EML1: variants seen among roughly 807,000 people sequenced by gnomAD.
EML1 encodes EMAP like 1.
EML1 carries 27 observed loss-of-function variants against 110.4 expected under a neutral mutation model. The ratio of observed to expected loss-of-function variants is 0.24; its 90% CI spans 0.18 to 0.34. The LOEUF is 0.34. Among genes scored for constraint, EML1 ranks in the 10% least tolerant of loss-of-function variants. The pLI, the probability that EML1 is intolerant of heterozygous loss-of-function variation, is 1.00. For missense variants in EML1, 741 were observed against 1,030.9 expected, an observed-to-expected ratio of 0.72 and a Z score of 3.85; for synonymous variants, 344 against 385.8, an observed-to-expected ratio of 0.89 and a Z score of 1.27.
chr14:99,868,474 C>T (rs574379617), intron 3 of EML1, among the ~76,000 whole-genome samples: 1 of 152,196 alleles, frequency 6.6e-6, no homozygotes, highest in Admixed American at 6.5e-5. Flanking sequence ...TTTTTGATTA[C>T]TGCTTCAGTC....
At chr14:99,925,002 C>T (rs1260514696) in intron 17 of EML1, among the ~76,000 whole-genome samples, 2 of 152,102 alleles carry the variant, frequency 1.3e-5, no homozygotes, top group Non-Finnish European at 2.9e-5. Flanking sequence ...TTTTTGCCTC[C>T]ATGTTTCTAA....
upstream of EML1, among the ~76,000 whole-genome samples, chr14:99,791,701 G>A (rs74084742): frequency 6.6e-3 from 1,012 of 152,268 alleles, 4 homozygotes; most frequent in African/African-American, 0.023. Context: ...AACAGGCCGC[G>A]GCCCCTGCAG....
chr14:99,783,697 A>G (rs910655924), intron 1 of EML1, among the ~76,000 whole-genome samples: 2 of 152,004 alleles, frequency 1.3e-5, no homozygotes, highest in Admixed American at 6.6e-5. Context: ...ATTGGCCAGG[A>G]TGGTCTCGAT....
intron 1 of EML1, among the ~76,000 whole-genome samples, chr14:99,783,704 C>T (rs185185229): frequency 6.6e-6 from 1 of 152,248 alleles, no homozygotes; most frequent in Admixed American, 6.5e-5. Flanking sequence ...AGGATGGTCT[C>T]GATCTCCTGA....
intron 1 of EML1, among the ~76,000 whole-genome samples, chr14:99,757,338 C>CAA (rs565061924): frequency 1.0e-5 from 1 of 96,276 alleles, no homozygotes; most frequent in African/African-American, 3.6e-5. Flanking sequence ...GACTCCATTT[C>CAA]AAAAAAAAAA....
At position 99,936,111 on chromosome 14, in the gene EML1, A is replaced by G. The variant is rs571711958; in HGVS notation, c.1992A>G (p.Arg664=). 1 of 1,614,162 alleles carries G rather than the reference A, an allele frequency of 6.2e-7. No homozygotes were observed. Among genetic ancestry groups the G allele is most frequent in the Non-Finnish European group, 8.5e-7 (1 of 1,180,034 alleles). Residue 664 remains arginine (R), a synonymous_variant, in exon 18 of 22, where the codon CGA becomes CGG. Transcript: ENST00000262233. The surrounding 1 kb of genome is among the most constrained non-coding windows in gnomAD (Gnocchi z 5.5). The part of the protein sequence containing the change: ...GVSDNGRKYT[R]VGKCSGHSSF... ...GTGACAACGGGAGGAAGTACACGCG[A>G]GTGGGCAAGTGCTCGGTAAGCGCTG...
intron 17 of EML1, among the ~76,000 whole-genome samples, chr14:99,925,381 C>T (rs1164467051): frequency 6.6e-6 from 1 of 151,822 alleles, no homozygotes; most frequent in African/African-American, 2.4e-5. Flanking sequence ...CCACCTCAGC[C>T]TCCAAGTAGC....
At chr14:99,761,470 G>A (rs1385141710) in intron 1 of EML1, among the ~76,000 whole-genome samples, 2 of 152,108 alleles carry the variant, frequency 1.3e-5, no homozygotes, top group Non-Finnish European at 2.9e-5. Context: ...GAGGCGCCTG[G>A]CTGCCCTTCC....
intron 12 of EML1, among the ~76,000 whole-genome samples, chr14:99,911,003 C>G (rs1267105822): frequency 6.6e-6 from 1 of 152,204 alleles, no homozygotes; most frequent in Non-Finnish European, 1.5e-5. Flanking sequence ...AGTATCCCTG[C>G]TGCTCTTGGC....
At chr14:99,830,495 C>G (rs1223939204) in intron 1 of EML1, among the ~76,000 whole-genome samples, 1 of 151,946 alleles carries the variant, frequency 6.6e-6, no homozygotes, top group South Asian at 2.1e-4. Context: ...TTTCCTCTTC[C>G]CTCCTGCTTT....
Position 99,889,118 on chromosome 14 carries a change from C to T in EML1, c.519-2081C>T, listed in dbSNP as rs138846906. Among the ~76,000 whole-genome samples the T allele has an allele frequency of 8.7e-3, 1,329 of 152,236 alleles. 16 individuals are homozygous for T. Among genetic ancestry groups the T allele is most frequent in the African/African-American group, 0.03 (1,242 of 41,538 alleles). ...GTGCCAGGCAGCAGCTGGCCACCCC[C>T]GAAGGAAGGATGAGGAAAGCTGAGA... On this transcript the variant is annotated intron_variant, in intron 4 of 21. Transcript: ENST00000262233.
intron 1 of EML1, among the ~76,000 whole-genome samples, chr14:99,795,197 A>G (rs992611220): frequency 1.3e-5 from 2 of 152,298 alleles, no homozygotes; most frequent in Non-Finnish European, 2.9e-5. Flanking sequence ...TACTGTTCCT[A>G]AATAGCAGTT....
At position 99,845,151 on chromosome 14, in the gene EML1, TG is replaced by T. The variant is rs571764177; in HGVS notation, c.68-5701del. Among the ~76,000 whole-genome samples the T allele has an allele frequency of 1.8e-3, 269 of 152,320 alleles. 1 individual carries two copies. Among genetic ancestry groups the T allele is most frequent in the African/African-American group, 5.5e-3 (228 of 41,580 alleles). ...GCAGTGGGGGAGAGTGTGTTTCATT[TG>T]CTCCATATTCTCACTGCACTTGCTT... On this transcript the variant is annotated intron_variant, in intron 1 of 21. Coordinates refer to ENST00000262233, the MANE Select transcript of EML1 (RefSeq NM_004434.3).
chr14:99,742,304 C>T (rs1366323566), intron 1 of EML1, among the ~76,000 whole-genome samples: 1 of 152,180 alleles, frequency 6.6e-6, no homozygotes, highest in African/African-American at 2.4e-5. Flanking sequence ...AGCAAGTGGC[C>T]TGGGTTTTCA....
upstream of EML1, among the ~76,000 whole-genome samples, chr14:99,770,433 G>T (rs1157361937): frequency 7.4e-6 from 1 of 135,916 alleles, no homozygotes; most frequent in African/African-American, 2.8e-5. Context: ...TGCATGAAGA[G>T]AGATCATGTC....
At chr14:99,907,421 T>C in intron 9 of EML1, 1 of 552,270 alleles carries the variant, frequency 1.8e-6, no homozygotes, top group Middle Eastern at 4.8e-4. Context: ...AGAGCAATGA[T>C]TGCACCACTG....
At position 99,941,994 on chromosome 14, in the gene EML1, T is replaced by C. The variant is rs1201817280; in HGVS notation, c.*1882T>C. 2 of 152,248 alleles carry C rather than the reference T, an allele frequency of 1.3e-5. No homozygotes were observed. The highest frequency in any genetic ancestry group is 2.4e-5 in the African/African-American group (1 of 41,460). The allele number at this position is 152,248 out of a possible 1,614,324, so 9.4% of individuals were successfully genotyped here. A position where few individuals can be genotyped will look rare whatever the true frequency, so the allele number is the denominator to read the frequency against. On this transcript the variant is annotated 3_prime_UTR_variant, in exon 22 of 22. Transcript: ENST00000262233. ...ACTGTTATATATATATGTAAACTAC[T>C]ATTGCTCTCTTTATAATGATTAATC...
At chr14:99,912,383 A>G (rs1001234824) in intron 13 of EML1, among the ~76,000 whole-genome samples, 5 of 152,120 alleles carry the variant, frequency 3.3e-5, no homozygotes, top group African/African-American at 1.2e-4. Context: ...CAGAGGCAAG[A>G]TATTTAATAT....
intron 17 of EML1, among the ~76,000 whole-genome samples, chr14:99,929,209 T>C (rs2060322382): frequency 6.6e-6 from 1 of 152,192 alleles, no homozygotes; most frequent in Non-Finnish European, 1.5e-5. Context: ...GGGGCAAAAG[T>C]GAAAGCCCTA....
Sources: gnomAD v4.1 joint callset for allele counts (sites outside exome capture counted in the v4.1 genomes callset) on GRCh38, gnomAD v4.1.1 for gene constraint, Gnocchi (gnomAD v3.1) non-coding constraint, MANE v1.5 for transcripts, NCBI Gene and HGNC (gene_info 2026-07-23, HGNC 2026-07-21) for gene names.